AEBP2: variants seen among roughly 807,000 people sequenced by gnomAD.
The protein encoded by AEBP2 is AE binding protein 2, also known as zinc finger protein AEBP2.
AEBP2 carries 10 observed loss-of-function variants against 50.8 expected under a neutral mutation model. The observed-to-expected ratio is 0.20, with a 90% CI of 0.12 to 0.33. The LOEUF (loss-of-function observed/expected upper bound fraction) is 0.33. Ranked by LOEUF, AEBP2 falls within the 10% of genes least tolerant of loss-of-function variation. The probability of loss-of-function intolerance (pLI) is 1.00; values close to 1 mark genes in which losing one functional copy is unlikely to be tolerated. For missense variants in AEBP2, 570 were observed against 688.0 expected (o/e 0.83, Z 1.92); for synonymous variants, 296 against 261.3 (o/e 1.13, Z -1.28).
At chr12:19,440,462 C>A (rs1406526203) in intron 1 of AEBP2, 92 bp downstream of exon 1, 3 of 1,416,224 alleles carry the variant, frequency 2.1e-6, no homozygotes, top group Non-Finnish European at 2.8e-6. Context: ...GCCGCGATCC[C>A]CCTGCTCCCC....
intron 4 of AEBP2, among the ~76,000 whole-genome samples, chr12:19,495,138 C>CT (rs2120465851): frequency 6.6e-6 from 1 of 152,114 alleles, no homozygotes; most frequent in African/African-American, 2.4e-5. Context: ...CTCCTGACCT[C>CT]TTGATCCACC....
At chr12:19,517,903 A>G (rs1022457413) in intron 7 of AEBP2, among the ~76,000 whole-genome samples, 184 bp from the exon 8 acceptor site, 2 of 152,256 alleles carry the variant, frequency 1.3e-5, no homozygotes, top group Non-Finnish European at 2.9e-5. Context: ...TAAAACTTTT[A>G]TTAAACAACT....
intron 1 of AEBP2, among the ~76,000 whole-genome samples, chr12:19,441,216 A>G (rs530574744): frequency 6.6e-6 from 1 of 152,262 alleles, no homozygotes; most frequent in East Asian, 1.9e-4. Context: ...AATGAGTATT[A>G]TTTTTCTTAC....
intron 1 of AEBP2, among the ~76,000 whole-genome samples, chr12:19,459,478 G>A (rs1948333734): frequency 6.6e-6 from 1 of 152,096 alleles, no homozygotes; most frequent in Non-Finnish European, 1.5e-5. Flanking sequence ...TGATCCGCCC[G>A]CCTCAGCCTC....
chr12:19,489,217 GTT>G (rs1366264055), intron 3 of AEBP2, among the ~76,000 whole-genome samples: 2 of 152,204 alleles, frequency 1.3e-5, no homozygotes, highest in African/African-American at 4.8e-5. Context: ...AACAAAAGAG[GTT>G]TAATTGACTC....
chr12:19,408,498 G>A (rs1466063220), intron 1 of AEBP2, among the ~76,000 whole-genome samples: 6 of 150,688 alleles, frequency 4.0e-5, no homozygotes, highest in African/African-American at 7.3e-5. Context: ...GCGGTGAGCC[G>A]AGATTGCACC....
intron 4 of AEBP2, among the ~76,000 whole-genome samples, chr12:19,497,939 G>T (rs574592331): frequency 2.0e-5 from 3 of 152,304 alleles, no homozygotes; most frequent in East Asian, 3.9e-4. Context: ...ATTAACAAGG[G>T]TATTCTATTC....
chr12:19,483,508 T>C (rs1348431451), intron 3 of AEBP2, among the ~76,000 whole-genome samples: 2 of 152,168 alleles, frequency 1.3e-5, no homozygotes, highest in African/African-American at 4.8e-5. Context: ...TTGCCTGGTA[T>C]ATTCCTGGGG....
chr12:19,406,086 C>T (rs1354016444), intron 1 of AEBP2, among the ~76,000 whole-genome samples: 3 of 151,936 alleles, frequency 2.0e-5, no homozygotes, highest in South Asian at 2.1e-4. Context: ...CTGCTTTAGC[C>T]TCCCAAGTAG....
chr12:19,451,685 A>AT (rs1242372972), intron 1 of AEBP2, among the ~76,000 whole-genome samples: 32 of 71,756 alleles, frequency 4.5e-4, no homozygotes, highest in African/African-American at 2.1e-3. Flanking sequence ...ACCATCTTTT[A>AT]ATTTTTTTTT....
chr12:19,423,430 CAGAG>C (rs1429887404), intron 1 of AEBP2, among the ~76,000 whole-genome samples: 1 of 152,140 alleles, frequency 6.6e-6, no homozygotes, highest in Non-Finnish European at 1.5e-5. Context: ...TGCTTGAAGA[CAGAG>C]TGAGGATTTC....
At chr12:19,425,109 G>A (rs577915641) in intron 1 of AEBP2, among the ~76,000 whole-genome samples, 46 of 152,278 alleles carry the variant, frequency 3.0e-4, no homozygotes, top group African/African-American at 1.1e-3. Flanking sequence ...AAACTGGCAT[G>A]CAACTTTGCA....
intron 1 of AEBP2, among the ~76,000 whole-genome samples, chr12:19,452,404 G>A (rs1265978844): frequency 6.6e-6 from 1 of 152,208 alleles, no homozygotes; most frequent in African/African-American, 2.4e-5. Flanking sequence ...ACAAGATTTA[G>A]AGTGCCTTTT....
At chr12:19,482,635 T>C (rs377575833) in intron 3 of AEBP2, among the ~76,000 whole-genome samples, 11 of 152,280 alleles carry the variant, frequency 7.2e-5, no homozygotes, top group African/African-American at 2.6e-4. Flanking sequence ...GTATTTTGGC[T>C]TCTGGCGAGA....
intron 1 of AEBP2, chr12:19,413,140 GT>G: frequency 1.4e-6 from 1 of 723,768 alleles, no homozygotes; most frequent in Non-Finnish European, 2.6e-6. Context: ...TCTGACCCAA[GT>G]TTAGCCGACA....
chr12:19,435,958 C>T (rs146491114), upstream of AEBP2, among the ~76,000 whole-genome samples: 8 of 152,194 alleles, frequency 5.3e-5, no homozygotes, highest in African/African-American at 1.4e-4. Context: ...CGACTCGCAT[C>T]GTGAATACGG....
chr12:19,439,757 C>T lies in AEBP2; in HGVS notation c.58C>T (p.Leu20=). The T allele has an allele frequency of 6.6e-7, 1 of 1,517,962 alleles. No individual in the cohort carries two copies. The highest frequency in any genetic ancestry group is 8.8e-7 in the Non-Finnish European group (1 of 1,139,452). 94.0% of individuals were successfully genotyped at this position (1,517,962 alleles called of 1,614,324 possible). Residue 20 remains leucine (L), a synonymous_variant, in exon 1 of 8, where the codon CTG becomes TTG. Transcript: ENST00000266508. ...GGAGGAGCTCTCCCGCCTGAGCCCT[C>T]TGCCCCCCGGCAGCCCGGGTTCGGC... The part of the protein sequence containing the change: ...DLEELSRLSP[L]PPGSPGSAAR...
intron 1 of AEBP2, among the ~76,000 whole-genome samples, chr12:19,454,265 C>G (rs146104136): frequency 1.3e-3 from 196 of 152,270 alleles, no homozygotes; most frequent in African/African-American, 4.5e-3. Flanking sequence ...TGTTTATTGA[C>G]TTTAATTGTT....
intron 6 of AEBP2, among the ~76,000 whole-genome samples, chr12:19,513,892 A>AT (rs34664301): frequency 0.012 from 1,165 of 100,324 alleles, 15 homozygotes; most frequent in East Asian, 0.052. Flanking sequence ...GGCCGCATGC[A>AT]TTTTTTTTTT....
Sources: gnomAD v4.1 joint callset for allele counts (sites outside exome capture counted in the v4.1 genomes callset) on GRCh38, gnomAD v4.1.1 for gene constraint, MANE v1.5 for transcripts, NCBI Gene and HGNC (gene_info 2026-07-23, HGNC 2026-07-21) for gene names.